PLCL2: variants seen among roughly 807,000 people sequenced by gnomAD.
PLCL2 encodes inactive phospholipase C-like protein 2.
In PLCL2, 4 loss-of-function variants were observed where a neutral mutation model predicts 79.6. The observed-to-expected ratio is 0.05, with a 90% CI of 0.02 to 0.11. The LOEUF (loss-of-function observed/expected upper bound fraction) is 0.11. Ranked by LOEUF, PLCL2 falls within the 10% of genes least tolerant of loss-of-function variation. The pLI is 1.00. For synonymous variants in PLCL2, 484 were observed against 457.7 expected (o/e 1.06, Z -0.73); for missense variants, 895 against 1,291.0 (o/e 0.69, Z 4.70).
intron 1 of PLCL2, among the ~76,000 whole-genome samples, chr3:16,933,500 A>G (rs1402641100): frequency 6.6e-6 from 1 of 152,090 alleles, no homozygotes; most frequent in African/African-American, 2.4e-5. Flanking sequence ...GACTTCACCC[A>G]CTCAGTTTCC....
At chr3:16,952,452 A>G (rs1332547127) in intron 1 of PLCL2, among the ~76,000 whole-genome samples, 1 of 151,558 alleles carries the variant, frequency 6.6e-6, no homozygotes, top group Non-Finnish European at 1.5e-5. Flanking sequence ...TAAAAATACA[A>G]TCAAAGATGC....
chr3:17,081,371 G>A, intron 5 of PLCL2: 1 of 402,272 alleles, frequency 2.5e-6, no homozygotes, highest in South Asian at 1.8e-5. Context: ...CATTACACAG[G>A]TGGCAGAGGG....
At chr3:17,089,333 T>A (rs1396301892) in intron 5 of PLCL2, among the ~76,000 whole-genome samples, 1 of 152,240 alleles carries the variant, frequency 6.6e-6, no homozygotes, top group African/African-American at 2.4e-5. Flanking sequence ...CTCTCTGTAC[T>A]ATATTTGTAT....
At chr3:17,063,978 C>G (rs1057064779) in intron 4 of PLCL2, among the ~76,000 whole-genome samples, 1 of 152,212 alleles carries the variant, frequency 6.6e-6, no homozygotes, top group Admixed American at 6.5e-5. Context: ...AAAATTCACT[C>G]TATCTAGTCT....
At chr3:17,077,677 G>C (rs940374642) in intron 5 of PLCL2, among the ~76,000 whole-genome samples, 2 of 152,172 alleles carry the variant, frequency 1.3e-5, no homozygotes, top group Non-Finnish European at 2.9e-5. Flanking sequence ...TACTAGAAGA[G>C]TCCTGTTTTC....
intron 1 of PLCL2, among the ~76,000 whole-genome samples, chr3:16,928,896 C>A (rs1697320809): frequency 1.3e-5 from 2 of 151,938 alleles, no homozygotes; most frequent in South Asian, 4.2e-4. Context: ...TTGTGGGTGA[C>A]CTTGGCAAAA....
chr3:16,922,985 C>T (rs916270520), intron 1 of PLCL2, among the ~76,000 whole-genome samples: 3 of 152,244 alleles, frequency 2.0e-5, no homozygotes, highest in Admixed American at 6.5e-5. Context: ...AATAACCCCT[C>T]TATAATACAT....
intron 1 of PLCL2, among the ~76,000 whole-genome samples, chr3:16,959,309 A>G (rs2063733990): frequency 6.6e-6 from 1 of 151,974 alleles, no homozygotes; most frequent in African/African-American, 2.4e-5. Context: ...ACCAATTTTC[A>G]TTTCCACCAA....
At chr3:16,909,465 A>G (rs1426415666) in intron 1 of PLCL2, among the ~76,000 whole-genome samples, 2 of 152,224 alleles carry the variant, frequency 1.3e-5, no homozygotes, top group African/African-American at 2.4e-5. Flanking sequence ...AAAGCACCCA[A>G]TGGTTTTAGA....
intron 5 of PLCL2, among the ~76,000 whole-genome samples, chr3:17,083,056 A>G (rs942614979): frequency 1.1e-4 from 17 of 152,254 alleles, no homozygotes; most frequent in Admixed American, 1.0e-3. Context: ...AGCAGTGATC[A>G]GAAGACAAAA....
At chr3:17,025,402 C>A (rs1381595885) in intron 3 of PLCL2, among the ~76,000 whole-genome samples, 1 of 152,060 alleles carries the variant, frequency 6.6e-6, no homozygotes, top group Non-Finnish European at 1.5e-5. Context: ...TCACTTCAAT[C>A]AAATTGTTAG....
At chr3:17,026,681 G>A (rs958735832) in intron 3 of PLCL2, among the ~76,000 whole-genome samples, 6 of 151,938 alleles carry the variant, frequency 3.9e-5, no homozygotes, top group African/African-American at 1.5e-4. Flanking sequence ...CAGCCTGGCC[G>A]ACATGGTGAA....
chr3:16,897,195 G>A (rs1159798877), intron 1 of PLCL2, among the ~76,000 whole-genome samples: 2 of 151,816 alleles, frequency 1.3e-5, no homozygotes, highest in South Asian at 2.1e-4. Flanking sequence ...CAATGAAGGG[G>A]AATAATTCCT....
intron 5 of PLCL2, chr3:17,081,522 A>G (rs2065162335): frequency 4.1e-6 from 1 of 241,004 alleles, no homozygotes; most frequent in South Asian, 5.1e-5. Context: ...CTACGTCTGA[A>G]TAAAAGCAAT....
At chr3:16,948,881 C>T (rs960304941) in intron 1 of PLCL2, among the ~76,000 whole-genome samples, 3 of 152,132 alleles carry the variant, frequency 2.0e-5, no homozygotes, top group African/African-American at 4.8e-5. Flanking sequence ...GGTACATAAA[C>T]TATTTCTGCA....
intron 1 of PLCL2, among the ~76,000 whole-genome samples, chr3:16,893,634 G>A (rs1696402221): frequency 6.6e-6 from 1 of 152,080 alleles, no homozygotes; most frequent in African/African-American, 2.4e-5. Flanking sequence ...TCCTAGCTAT[G>A]GTTGAATTCA....
In PLCL2 at chr3:17,076,790, G is replaced by A. The variant is rs139677941; in HGVS notation, c.3204+8725G>A. Among the ~76,000 whole-genome samples the A allele has an allele frequency of 5.0e-3, 767 of 152,090 alleles. 4 individuals are homozygous for A. The highest frequency in any genetic ancestry group is 7.7e-3 in the Non-Finnish European group (521 of 67,964). ...GGTGTAAGAATTACCGCACTCAGCC[G>A]TTTCCTTTTTGTTTTCTTTTTTAAT... is the stretch of plus-strand genomic sequence containing the variant. On this transcript the variant is annotated intron_variant, in intron 5 of 5. Transcript: ENST00000615277.
chr3:17,055,811 C>T (rs1381919248), intron 4 of PLCL2, among the ~76,000 whole-genome samples: 1 of 152,176 alleles, frequency 6.6e-6, no homozygotes, highest in Non-Finnish European at 1.5e-5. Context: ...AGCCTCTCTC[C>T]TCTGTCTCTC....
intron 1 of PLCL2, among the ~76,000 whole-genome samples, chr3:16,980,996 CGTG>C (rs1005160853): frequency 2.6e-5 from 4 of 152,218 alleles, no homozygotes; most frequent in Admixed American, 1.3e-4. Flanking sequence ...ACCAGTCAAG[CGTG>C]GTGGCGCGCG....
Sources: allele counts gnomAD v4.1 joint callset (sites outside exome capture counted in the v4.1 genomes callset), GRCh38; gene constraint gnomAD v4.1.1; transcripts MANE v1.5; gene names NCBI Gene and HGNC (gene_info 2026-07-23, HGNC 2026-07-21).